The following ATP6V1A variants were observed in gnomAD, a reference collection of about 807,000 sequenced individuals.
ATP6V1A encodes V-type proton ATPase catalytic subunit A.
Under a neutral mutation model 70.1 loss-of-function variants are expected in ATP6V1A, and 18 were observed. The ratio of observed to expected loss-of-function variants is 0.26; its 90% confidence interval spans 0.18 to 0.38. The LOEUF (loss-of-function observed/expected upper bound fraction) is 0.38. Ranked by LOEUF, ATP6V1A falls within the 10% of genes least tolerant of loss-of-function variation. The pLI, the probability that ATP6V1A is intolerant of heterozygous loss-of-function variation, is 1.00. For missense variants in ATP6V1A, 424 were observed against 772.4 expected (o/e 0.55, Z 5.35); for synonymous variants, 232 against 253.8 (o/e 0.91, Z 0.82).
At chr3:113,764,116 G>A (rs1708739579) in intron 1 of ATP6V1A, among the ~76,000 whole-genome samples, 1 of 151,952 alleles carries the variant, frequency 6.6e-6, no homozygotes, top group African/African-American at 2.4e-5. Flanking sequence ...ACATGCCTGT[G>A]GTCCCAGTAA....
chr3:113,809,928 CA>C lies in ATP6V1A; in HGVS notation c.*506del, dbSNP rs1204140679. On this transcript the variant is annotated 3_prime_UTR_variant, in exon 15 of 15. Coordinates refer to ENST00000273398, the MANE Select transcript of ATP6V1A (RefSeq NM_001690.4). Reference sequence around the variant, plus strand: ...TGCTTTGCAGGAAATATTTAATTTTCAAAAACATAATGATTAATGTTCCAAT... The same window carrying C: ...TGCTTTGCAGGAAATATTTAATTTTCAAAACATAATGATTAATGTTCCAAT... The C allele has an allele frequency of 6.6e-6, 1 of 152,232 alleles. No individual in the cohort carries two copies. The highest frequency in any genetic ancestry group is 1.5e-5 in the Non-Finnish European group (1 of 68,060). The allele number at this position is 152,232 out of a possible 1,614,324, so 9.4% of individuals were successfully genotyped here.
chr3:113,756,985 G>A (rs944137382), intron 1 of ATP6V1A, among the ~76,000 whole-genome samples: 1 of 152,148 alleles, frequency 6.6e-6, no homozygotes, highest in Non-Finnish European at 1.5e-5. Context: ...ATTTAGATGA[G>A]TTATAAAATC....
intron 1 of ATP6V1A, among the ~76,000 whole-genome samples, chr3:113,767,147 A>C (rs1708781498): frequency 7.2e-6 from 1 of 138,716 alleles, no homozygotes; most frequent in East Asian, 2.1e-4. Flanking sequence ...ACTAGAGTGC[A>C]GTGGCGTGAT....
intron 13 of ATP6V1A, among the ~76,000 whole-genome samples, chr3:113,804,227 A>G (rs1709250798): frequency 6.6e-6 from 1 of 151,530 alleles, no homozygotes; most frequent in Non-Finnish European, 1.5e-5. Context: ...TCCTGGGCTC[A>G]AGCAGTCCAC....
intron 8 of ATP6V1A, among the ~76,000 whole-genome samples, chr3:113,792,656 T>C (rs1266896165): frequency 6.6e-6 from 1 of 152,138 alleles, no homozygotes; most frequent in African/African-American, 2.4e-5. Flanking sequence ...TTTCTTAGGG[T>C]AATTTCTTAG....
chr3:113,782,542 C>CTCTA (rs749059556), intron 3 of ATP6V1A, among the ~76,000 whole-genome samples: 219 of 141,148 alleles, frequency 1.6e-3, no homozygotes, highest in African/African-American at 5.1e-3. Context: ...CTCTCTCTCT[C>CTCTA]TATATATATA....
intron 1 of ATP6V1A, among the ~76,000 whole-genome samples, chr3:113,761,478 T>C (rs962768149): frequency 2.0e-5 from 3 of 152,012 alleles, no homozygotes; most frequent in Admixed American, 6.6e-5. Flanking sequence ...GGCTCGCACG[T>C]GTTATCCCAG....
chr3:113,794,612 T>C (rs181258578), intron 8 of ATP6V1A, among the ~76,000 whole-genome samples: 4 of 152,270 alleles, frequency 2.6e-5, no homozygotes, highest in Admixed American at 2.6e-4. Context: ...TGGAAGAGCG[T>C]GTGACTTGCC....
At chr3:113,771,427 CTCTTTTT>C (rs1454215141) in intron 1 of ATP6V1A, among the ~76,000 whole-genome samples, 3 of 124,990 alleles carry the variant, frequency 2.4e-5, no homozygotes, top group South Asian at 2.6e-4. Flanking sequence ...GCATATTTTT[CTCTTTTT>C]TTTTTTTTTT....
intron 13 of ATP6V1A, 116 bp downstream of exon 13, chr3:113,803,793 T>G: frequency 1.4e-6 from 1 of 702,000 alleles, no homozygotes; most frequent in Non-Finnish European, 2.4e-6. Context: ...TCTGACTTAG[T>G]AGATTGGTTT....
intron 12 of ATP6V1A, among the ~76,000 whole-genome samples, chr3:113,802,060 TA>T (rs1228919875): frequency 6.6e-6 from 1 of 152,186 alleles, no homozygotes; most frequent in Admixed American, 6.5e-5. Context: ...TCAAAGCTGC[TA>T]GGGCAATTGT....
At chr3:113,788,199 G>A (rs546562794) in intron 6 of ATP6V1A, among the ~76,000 whole-genome samples, 4 of 152,096 alleles carry the variant, frequency 2.6e-5, no homozygotes, top group East Asian at 1.9e-4. Flanking sequence ...AGGCATAAGC[G>A]TCTGTGCCTA....
At chr3:113,789,941 C>G in intron 8 of ATP6V1A, 101 bp downstream of exon 8, 1 of 846,208 alleles carries the variant, frequency 1.2e-6, no homozygotes, top group Non-Finnish European at 1.9e-6. Context: ...TCTAAAATAT[C>G]TCTGTACATA....
At chr3:113,765,325 A>G (rs1708755522) in intron 1 of ATP6V1A, among the ~76,000 whole-genome samples, 1 of 152,126 alleles carries the variant, frequency 6.6e-6, no homozygotes, top group Admixed American at 6.6e-5. Context: ...TAGTTCTGTA[A>G]GAGATGGGGC....
chr3:113,781,466 A>G (rs943589369), intron 3 of ATP6V1A, among the ~76,000 whole-genome samples: 20 of 152,104 alleles, frequency 1.3e-4, no homozygotes, highest in Non-Finnish European at 1.2e-4. Flanking sequence ...TGCAGTGAGC[A>G]GAGATCGCAC....
intron 1 of ATP6V1A, among the ~76,000 whole-genome samples, chr3:113,771,429 C>CTTT (rs772278685): frequency 7.1e-5 from 8 of 112,596 alleles, no homozygotes; most frequent in African/African-American, 2.3e-4. Flanking sequence ...ATATTTTTCT[C>CTTT]TTTTTTTTTT....
At chr3:113,760,946 G>A (rs1051730417) in intron 1 of ATP6V1A, among the ~76,000 whole-genome samples, 3 of 151,640 alleles carry the variant, frequency 2.0e-5, no homozygotes, top group Admixed American at 6.6e-5. Flanking sequence ...ACACACCTGC[G>A]GTCTCAGCTA....
chr3:113,793,294 C>T (rs1000375226), intron 8 of ATP6V1A, among the ~76,000 whole-genome samples: 3 of 152,138 alleles, frequency 2.0e-5, no homozygotes, highest in African/African-American at 7.2e-5. Flanking sequence ...AACTCCTGAC[C>T]TCGGGGGATC....
At chr3:113,750,742 A>G (rs1708576740) in intron 1 of ATP6V1A, among the ~76,000 whole-genome samples, 1 of 152,196 alleles carries the variant, frequency 6.6e-6, no homozygotes, top group African/African-American at 2.4e-5. Context: ...AAAATTTTTA[A>G]TTAATTTTAC....
Sources: allele counts gnomAD v4.1 joint callset (sites outside exome capture counted in the v4.1 genomes callset), GRCh38; gene constraint gnomAD v4.1.1; transcripts MANE v1.5; gene names NCBI Gene and HGNC (gene_info 2026-07-23, HGNC 2026-07-21).